RIC8B: variants seen among roughly 807,000 people sequenced by gnomAD.
The protein encoded by RIC8B is RIC8 guanine nucleotide exchange factor B.
A neutral mutation model predicts 57.5 loss-of-function variants in RIC8B; 16 were observed. That is an observed-to-expected ratio of 0.28 (90% CI 0.19 to 0.42). The LOEUF (loss-of-function observed/expected upper bound fraction) is 0.42, where lower values mean the gene tolerates loss of function less well. Among genes scored for constraint, RIC8B ranks in the 10% least tolerant of loss-of-function variants. RIC8B has a pLI of 1.00. For synonymous variants in RIC8B, 216 were observed against 250.8 expected, an observed-to-expected ratio of 0.86 and a Z score of 1.31; for missense variants, 481 against 677.0, an observed-to-expected ratio of 0.71 and a Z score of 3.21.
chr12:106,799,275 G>A (rs181530663), intron 2 of RIC8B, among the ~76,000 whole-genome samples: 48 of 152,208 alleles, frequency 3.2e-4, no homozygotes, highest in African/African-American at 1.0e-3. Flanking sequence ...GCTTGTTAAC[G>A]TTTCTTGATC....
chr12:106,809,648 A>C (rs979086611), intron 2 of RIC8B, among the ~76,000 whole-genome samples: 14 of 152,088 alleles, frequency 9.2e-5, no homozygotes, highest in Non-Finnish European at 1.8e-4. Context: ...CAGGTTACAC[A>C]TCCCAAATCC....
intron 9 of RIC8B, among the ~76,000 whole-genome samples, chr12:106,872,395 A>G (rs1456974970): frequency 6.6e-6 from 1 of 152,220 alleles, no homozygotes; most frequent in East Asian, 1.9e-4. Context: ...CAGGCCGGGC[A>G]CAGTGGCTTA....
At chr12:106,865,438 CTT>C (rs1950101025) in intron 8 of RIC8B, among the ~76,000 whole-genome samples, 1 of 152,120 alleles carries the variant, frequency 6.6e-6, no homozygotes, top group African/African-American at 2.4e-5. Flanking sequence ...TATTATTTTT[CTT>C]TGATATAACC....
chr12:106,885,152 TAATC>T (rs1951117394), intron 9 of RIC8B, among the ~76,000 whole-genome samples: 1 of 152,188 alleles, frequency 6.6e-6, no homozygotes, highest in Non-Finnish European at 1.5e-5. Context: ...TTGACTGGCT[TAATC>T]AATAATTAAT....
At chr12:106,783,030 GTTCT>G (rs976446394) in intron 1 of RIC8B, among the ~76,000 whole-genome samples, 1 of 152,172 alleles carries the variant, frequency 6.6e-6, no homozygotes, top group African/African-American at 2.4e-5. Context: ...GGGTACCATT[GTTCT>G]TTCTGTGATC....
intron 4 of RIC8B, among the ~76,000 whole-genome samples, chr12:106,830,759 C>G (rs982923838): frequency 3.3e-5 from 5 of 152,288 alleles, no homozygotes; most frequent in South Asian, 2.1e-4. Flanking sequence ...CCTCCCTCCC[C>G]CTCATGCACA....
At chr12:106,824,894 C>T (rs2046024859) in intron 3 of RIC8B, among the ~76,000 whole-genome samples, 1 of 150,544 alleles carries the variant, frequency 6.6e-6, no homozygotes, top group Non-Finnish European at 1.5e-5. Context: ...GCGACAAGAG[C>T]AAAACTCCAT....
At chr12:106,820,433 G>T (rs576373977) in intron 3 of RIC8B, among the ~76,000 whole-genome samples, 1 of 152,278 alleles carries the variant, frequency 6.6e-6, no homozygotes, top group African/African-American at 2.4e-5. Context: ...TATTTAGCAG[G>T]ATATAAAGTC....
At chr12:106,785,813 CTGTG>C (rs61337359) in intron 2 of RIC8B, among the ~76,000 whole-genome samples, 3,515 of 123,682 alleles carry the variant, frequency 0.028, 104 homozygotes, top group Non-Finnish European at 0.036. Flanking sequence ...CTCTCTCTCT[CTGTG>C]TGTGTGTGTG....
Position 106,879,578 on chromosome 12 carries a change from C to T in RIC8B, c.1572-6326C>T, listed in dbSNP as rs545476327. The T allele has an allele frequency of 4.4e-5, 43 of 985,016 alleles. No individual in the cohort carries two copies. Among genetic ancestry groups the T allele is most frequent in the Middle Eastern group, 5.2e-4 (1 of 1,914 alleles). The allele number at this position is 985,016 out of a possible 1,614,324, so 61.0% of individuals were successfully genotyped here. The stretch of plus-strand genomic sequence containing the variant: ...AATATTTTAAATATGGTGTAAATTC[C>T]GTATCTCCCATCCCTAGCTCTTTAA... On this transcript the variant is annotated intron_variant, in intron 9 of 9. Transcript: ENST00000392837. The surrounding 1 kb of genome is among the most constrained non-coding windows in gnomAD (Gnocchi z 4.9).
At chr12:106,841,612 T>C (rs1379180459) in intron 4 of RIC8B, among the ~76,000 whole-genome samples, 1 of 152,110 alleles carries the variant, frequency 6.6e-6, no homozygotes. Context: ...CAGGAGTTTA[T>C]TTTTAGTCAG....
chr12:106,864,965 C>G (rs551537774), intron 8 of RIC8B, among the ~76,000 whole-genome samples: 5 of 152,040 alleles, frequency 3.3e-5, no homozygotes, highest in African/African-American at 1.2e-4. Flanking sequence ...CTTTAAGATT[C>G]GTTCATGTTG....
intron 4 of RIC8B, among the ~76,000 whole-genome samples, chr12:106,837,465 A>T (rs1027109521): frequency 2.6e-5 from 4 of 152,130 alleles, no homozygotes; most frequent in African/African-American, 4.8e-5. Context: ...CTTTAAAAAA[A>T]TTTTATTTAC....
rs527823240 is a variant in RIC8B at position 106,819,784 on chromosome 12, A to G, written c.741+4480A>G. Among the ~76,000 whole-genome samples the G allele has an allele frequency of 1.4e-4, 21 of 148,246 alleles. No individual in the cohort carries two copies. In the South Asian group the frequency reaches 3.6e-3, roughly 25 times the overall value. On this transcript the variant is annotated intron_variant, in intron 3 of 9. Coordinates refer to ENST00000392837, the MANE Select transcript of RIC8B (RefSeq NM_001330145.2). ...GGAGGAATACTCATAAGTATATAAT[A>G]TATAAGTATATATAAAATATATAAA...
chr12:106,804,249 C>G (rs1293007908), intron 2 of RIC8B, among the ~76,000 whole-genome samples: 32 of 147,090 alleles, frequency 2.2e-4, no homozygotes, highest in Non-Finnish European at 4.0e-4. Flanking sequence ...GAGTCTCGCT[C>G]TGTCGCCCAG....
chr12:106,859,882 T>TA (rs1949857437), intron 7 of RIC8B, among the ~76,000 whole-genome samples: 1 of 152,166 alleles, frequency 6.6e-6, no homozygotes, highest in Non-Finnish European at 1.5e-5. Context: ...GCCATATTGC[T>TA]AAAGTCCCAA....
intron 2 of RIC8B, among the ~76,000 whole-genome samples, chr12:106,795,570 CTTA>C (rs1028998598): frequency 2.0e-5 from 3 of 152,130 alleles, no homozygotes; most frequent in African/African-American, 7.2e-5. Flanking sequence ...CCAACCTCAT[CTTA>C]TTATGCAAAT....
chr12:106,822,077 C>CAAAAAAA (rs67378158), intron 3 of RIC8B, among the ~76,000 whole-genome samples: 11 of 38,030 alleles, frequency 2.9e-4, no homozygotes, highest in Admixed American at 8.2e-4. Context: ...GACTCCATCT[C>CAAAAAAA]AAAAAAAAAA....
intron 2 of RIC8B, among the ~76,000 whole-genome samples, chr12:106,800,803 A>G (rs1347067977): frequency 1.3e-5 from 2 of 152,102 alleles, no homozygotes; most frequent in East Asian, 3.9e-4. Context: ...TTCCAAAGAG[A>G]TTGTATATAG....
Sources: allele counts gnomAD v4.1 joint callset (sites outside exome capture counted in the v4.1 genomes callset), GRCh38; gene constraint gnomAD v4.1.1; non-coding constraint Gnocchi (gnomAD v3.1); transcripts MANE v1.5; gene names NCBI Gene and HGNC (gene_info 2026-07-23, HGNC 2026-07-21).